The following ERICH1 variants were observed in gnomAD, a reference collection of about 807,000 sequenced individuals.
ERICH1 encodes glutamate-rich protein 1.
In ERICH1, 56 loss-of-function variants were observed where a neutral mutation model predicts 39.6. The ratio of observed to expected loss-of-function variants is 1.41; its 90% CI spans 1.14 to 1.77. The LOEUF (loss-of-function observed/expected upper bound fraction) is 1.77, where lower values mean the gene tolerates loss of function less well. ERICH1 is among the 40% of genes most tolerant of loss of function. The pLI, the probability that ERICH1 is intolerant of heterozygous loss-of-function variation, is 0.00. For missense variants in ERICH1, 826 were observed against 575.4 expected (o/e 1.44, Z -4.45); for synonymous variants, 313 against 223.6 (o/e 1.40, Z -3.57).
At chr8:653,030 G>C (rs1304001148) in intron 3 of ERICH1, among the ~76,000 whole-genome samples, 1 of 152,228 alleles carries the variant, frequency 6.6e-6, no homozygotes, top group Non-Finnish European at 1.5e-5. Flanking sequence ...CATTGTGGAA[G>C]ACGGGGTAGA....
At position 673,431 on chromosome 8, in the gene ERICH1, T is replaced by G. The variant is rs755587258; in HGVS notation, c.921A>C (p.Thr307=). ...CTGCACCCTCTTCCTCCCCAGCCCA[T>G]GTCGGGTCTTCCTCGCTGGCGTCCG... ...DGADASEEDP[T]WAGEEEGADS... is the part of the protein sequence containing the mutation. Residue 307 remains threonine (T), a synonymous_variant, in exon 4 of 6, where the codon ACA becomes ACC. Transcript: ENST00000262109. 5.8e-5 allele frequency: 94 copies of G among 1,613,864 alleles called. No homozygotes were observed. The East Asian group carries it at 2.1e-3, about 36-fold the overall frequency.
chr8:629,925 C>T (rs867818696), intron 3 of ERICH1, among the ~76,000 whole-genome samples: 146 of 117,848 alleles, frequency 1.2e-3, no homozygotes, highest in Non-Finnish European at 1.6e-3. Flanking sequence ...CACACCCTCC[C>T]GTGACCACCC....
intron 2 of ERICH1, among the ~76,000 whole-genome samples, 176 bp downstream of exon 2, chr8:715,661 TGGCCTTGGCTGGGGAGTCCACAGG>T (rs1815766514): frequency 6.6e-6 from 1 of 152,252 alleles, no homozygotes; most frequent in African/African-American, 2.4e-5. Flanking sequence ...CACCCTGACC[TGGCCTTGGCTGGGGAGTCCACAGG>T]GGCCTTGGCA....
At chr8:694,783 T>C (rs866872519) in intron 2 of ERICH1, among the ~76,000 whole-genome samples, 17 of 152,216 alleles carry the variant, frequency 1.1e-4, no homozygotes, top group African/African-American at 3.9e-4. Context: ...CTTGCACAAG[T>C]TGAACGTTAC....
chr8:701,106 A>AC (rs1812006330), intron 2 of ERICH1, among the ~76,000 whole-genome samples: 1 of 69,748 alleles, frequency 1.4e-5, no homozygotes. Flanking sequence ...CTGATTTTAA[A>AC]CACACATGGC....
rs1349698369 is a variant in ERICH1, at chr8:643,116, C to T, written c.976+25482G>A. Among the ~76,000 whole-genome samples the T allele has an allele frequency of 5.3e-5, 8 of 152,130 alleles. No homozygotes were observed. The South Asian group carries it at 1.5e-3, about 28-fold the overall frequency. On this transcript the variant is annotated intron_variant, in intron 3 of 3. Coordinates refer to the ERICH1 transcript ENST00000522706. ...GTGCCCTTCAAGGTCCAGGGGAAGGCGCCCTGCCTGGCGCAGCCTGGAGTC... is the reference window on the plus strand; with the variant it reads ...GTGCCCTTCAAGGTCCAGGGGAAGGTGCCCTGCCTGGCGCAGCCTGGAGTC...
chr8:651,876 G>C (rs766293290), intron 3 of ERICH1, among the ~76,000 whole-genome samples: 4 of 152,336 alleles, frequency 2.6e-5, no homozygotes, highest in Admixed American at 6.5e-5. Flanking sequence ...TTGCTTAAGA[G>C]AAAGTGTGTT....
chr8:638,238 C>T (rs760626329), intron 3 of ERICH1, among the ~76,000 whole-genome samples: 6 of 152,234 alleles, frequency 3.9e-5, no homozygotes, highest in Non-Finnish European at 7.3e-5. Context: ...GATTTCAGAG[C>T]CTCCCAGTGT....
chr8:699,331 G>A (rs1448735411), intron 2 of ERICH1, among the ~76,000 whole-genome samples: 1 of 152,156 alleles, frequency 6.6e-6, no homozygotes, highest in East Asian at 1.9e-4. Flanking sequence ...AAGAGTGGAC[G>A]CCACCCCCGA....
At chr8:628,959 G>A (rs534878682) in intron 3 of ERICH1, among the ~76,000 whole-genome samples, 1 of 152,218 alleles carries the variant, frequency 6.6e-6, no homozygotes, top group Admixed American at 6.5e-5. Flanking sequence ...AAGGAGGTGG[G>A]AGGGAGGGCC....
At chr8:725,645 T>G (rs1177129827) in intron 1 of ERICH1, 3 of 152,888 alleles carry the variant, frequency 2.0e-5, no homozygotes, top group Non-Finnish European at 4.4e-5. Context: ...CCTGCAACCC[T>G]CCTCCAGCCG....
intron 2 of ERICH1, among the ~76,000 whole-genome samples, chr8:706,439 A>G (rs1265226417): frequency 1.3e-5 from 2 of 152,228 alleles, no homozygotes; most frequent in African/African-American, 2.4e-5. Context: ...AAAAAACGGT[A>G]AAACTTTTCT....
chr8:639,474 T>C lies in ERICH1; in HGVS notation c.977-24190A>G, dbSNP rs563509083. ...ATTCTGAGCCTCTGGGCTGTCACTC[T>C]GGGCAAACCACAAAATATCAAAGAG... On this transcript the variant is annotated intron_variant, in intron 3 of 3. Coordinates refer to the ERICH1 transcript ENST00000522706. Among the ~76,000 whole-genome samples the C allele has an allele frequency of 1.6e-4, 24 of 152,362 alleles. No individual in the cohort carries two copies. The South Asian group carries it at 4.6e-3, about 29-fold the overall frequency.
rs1256857065 is a variant in ERICH1, at chr8:673,478, CTT to C, written c.872_873del (p.Lys291ArgfsTer39). On this transcript the variant is annotated frameshift_variant, in exon 4 of 6. Coordinates refer to ENST00000262109, the MANE Select transcript of ERICH1 (RefSeq NM_207332.3). LOFTEE classifies it high-confidence loss of function. Reference protein sequence around the residue: ...DLTRAGEEDGKDTREEDGADA... With the variant: ...DLTRAGEEDGXDTREEDGADA... Reference sequence around the variant, plus strand: ...TCCGCACCGTCCTCCTCCCTGGTGTCTTTACCGTCTTCCTCCCCGGCCCGTGT... The same window carrying C: ...TCCGCACCGTCCTCCTCCCTGGTGTCTACCGTCTTCCTCCCCGGCCCGTGT... 15 of 1,611,356 alleles carry C rather than the reference CTT, an allele frequency of 9.3e-6. No individual in the cohort carries two copies. Among genetic ancestry groups the C allele is most frequent in the Non-Finnish European group, 1.3e-5 (15 of 1,179,814 alleles).
chr8:697,356 C>A (rs1810560584), intron 2 of ERICH1, among the ~76,000 whole-genome samples: 1 of 152,088 alleles, frequency 6.6e-6, no homozygotes, highest in Admixed American at 6.6e-5. Flanking sequence ...GGTGCAACGC[C>A]GACCCCACGA....
In ERICH1 at chr8:673,359, T is replaced by C; in HGVS notation, c.993A>G (p.Thr331=). ...TACTGTGTGCCTTTTCATTGGTAAT[T>C]GTATCATCTTCCTCGCTGGCGTCTG... ...DGADASEEDD[T]ITNEKAHSIL... is the part of the protein sequence containing the mutation. The change falls in exon 4 of 6, where the codon ACA becomes ACG. Residue 331 remains threonine (T), a synonymous_variant. Coordinates refer to ENST00000262109, the MANE Select transcript of ERICH1 (RefSeq NM_207332.3). The C allele has an allele frequency of 6.2e-7, 1 of 1,614,210 alleles. No individual in the cohort carries two copies.
chr8:664,823 G>T (rs1471729751), intron 5 of ERICH1, 147 bp from the exon 6 acceptor site: 6 of 605,408 alleles, frequency 9.9e-6, no homozygotes, highest in African/African-American at 9.2e-5. Context: ...AACTGATGTT[G>T]AAAGTGACAC....
chr8:670,578 C>T (rs1803075778), intron 4 of ERICH1, among the ~76,000 whole-genome samples: 1 of 152,222 alleles, frequency 6.6e-6, no homozygotes, highest in South Asian at 2.1e-4. Context: ...CCCTGCTCTG[C>T]TGGGCTCGAG....
chr8:687,666 G>C (rs553580963), intron 3 of ERICH1, among the ~76,000 whole-genome samples: 2 of 152,284 alleles, frequency 1.3e-5, no homozygotes, highest in African/African-American at 4.8e-5. Flanking sequence ...GGCGGCCCAG[G>C]CGAGGCAGGA....
Sources: allele counts gnomAD v4.1 joint callset (sites outside exome capture counted in the v4.1 genomes callset), GRCh38; gene constraint gnomAD v4.1.1; transcripts MANE v1.5; gene names NCBI Gene and HGNC (gene_info 2026-07-23, HGNC 2026-07-21).